The following ANK3 variants were observed in gnomAD, a reference collection of about 807,000 sequenced individuals.
The protein encoded by ANK3 is ankyrin 3, also known as ankyrin-3.
ANK3 carries 57 observed loss-of-function variants against 370.9 expected under a neutral mutation model. The observed-to-expected ratio is 0.15, with a 90% CI of 0.12 to 0.19. The LOEUF (loss-of-function observed/expected upper bound fraction) is 0.19, where lower values mean the gene tolerates loss of function less well. Among genes scored for constraint, ANK3 ranks in the 10% least tolerant of loss-of-function variants. The probability of loss-of-function intolerance (pLI) is 1.00; values close to 1 mark genes in which losing one functional copy is unlikely to be tolerated. For synonymous variants in ANK3, 1,929 were observed against 1,946.3 expected, an observed-to-expected ratio of 0.99 and a Z score of 0.23; for missense variants, 4,439 against 5,302.1, an observed-to-expected ratio of 0.84 and a Z score of 5.06.
At chr10:60,419,640 T>C (rs762937343) in intron 2 of ANK3, among the ~76,000 whole-genome samples, 1 of 152,156 alleles carries the variant, frequency 6.6e-6, no homozygotes, top group Non-Finnish European at 1.5e-5. Context: ...TCTTGGCCTG[T>C]TACATTCAGG....
chr10:60,028,773 A>G lies in ANK3; in HGVS notation c.*1073T>C, dbSNP rs1341772291. On this transcript the variant is annotated 3_prime_UTR_variant, in exon 44 of 44. Coordinates refer to ENST00000280772, the MANE Select transcript of ANK3 (RefSeq NM_020987.5). ...CTGGGGCCTTTTATGAGCACCATCC[A>G]CCTCTAAAGCGGCAAGCATTTACCC... is the stretch of plus-strand genomic sequence containing the variant. 1 of 152,468 alleles carries G rather than the reference A, an allele frequency of 6.6e-6. No individual in the cohort carries two copies. The highest frequency in any genetic ancestry group is 1.5e-5 in the Non-Finnish European group (1 of 68,020). The allele number at this position is 152,468 out of a possible 1,614,324, so 9.4% of individuals were successfully genotyped here.
chr10:60,116,149 G>A (rs758325529), intron 25 of ANK3, among the ~76,000 whole-genome samples: 2 of 152,114 alleles, frequency 1.3e-5, no homozygotes, highest in Non-Finnish European at 2.9e-5. Flanking sequence ...GAAGACTACA[G>A]GCAGGAGACT....
intron 42 of ANK3, chr10:60,051,402 GAGTTTCT>G (rs2077966676): frequency 1.5e-6 from 1 of 678,272 alleles, no homozygotes; most frequent in Admixed American, 6.4e-5. Context: ...CACAAGGAAG[GAGTTTCT>G]ACAACCACAA....
intron 40 of ANK3, 108 bp downstream of exon 40, chr10:60,063,003 T>C: frequency 8.5e-7 from 1 of 1,175,510 alleles, no homozygotes; most frequent in Non-Finnish European, 1.2e-6. Flanking sequence ...AATGAGAAAC[T>C]AAGTCAAGCA....
rs2096888225 is a variant in ANK3, at chr10:60,213,530, T to C, written c.898-20A>G. ...ACCATCCTGTTGAACAAAGGAAACATCACCAATTAAATTTGACAATAAATT... is the reference window on the plus strand; with the variant it reads ...ACCATCCTGTTGAACAAAGGAAACACCACCAATTAAATTTGACAATAAATT... On this transcript the variant is annotated intron_variant, in intron 8 of 43. Coordinates refer to ENST00000280772, the MANE Select transcript of ANK3 (RefSeq NM_020987.5). The C allele has an allele frequency of 6.6e-7, 1 of 1,521,246 alleles. No individual in the cohort carries two copies. Among genetic ancestry groups the C allele is most frequent in the Admixed American group, 1.8e-5 (1 of 55,516 alleles). The allele number at this position is 1,521,246 out of a possible 1,614,324, so 94.2% of individuals were successfully genotyped here. A position where few individuals can be genotyped will look rare whatever the true frequency, so the allele number is the denominator to read the frequency against.
rs1255834113 is a variant in ANK3, at chr10:60,395,606, TTCTC to T, written c.97-115971_97-115968del. Among the ~76,000 whole-genome samples, 349 of 108,018 alleles carry T rather than the reference TTCTC, an allele frequency of 3.2e-3. 2 individuals are homozygous for T. Among genetic ancestry groups the T allele is most frequent in the African/African-American group, 9.2e-3 (226 of 24,544 alleles). 70.9% of individuals were successfully genotyped at this position (108,018 alleles called of 152,430 possible). On this transcript the variant is annotated intron_variant, in intron 2 of 43. Coordinates refer to the ANK3 transcript ENST00000373827. The stretch of plus-strand genomic sequence containing the variant: ...TTTCTTTCTTTCTTTCTTTCTTTCT[TTCTC>T]TCTTTCGTTCTCTCTCTCTCTCTCT...
At chr10:60,109,133 A>C in intron 26 of ANK3, 79 bp from the exon 27 acceptor site, 1 of 1,122,762 alleles carries the variant, frequency 8.9e-7, no homozygotes, top group South Asian at 1.4e-5. Context: ...TAAATGTTTA[A>C]GTTTATTTAA....
intron 21 of ANK3, among the ~76,000 whole-genome samples, chr10:60,170,891 A>G (rs961501434): frequency 6.6e-5 from 10 of 152,144 alleles, no homozygotes; most frequent in African/African-American, 2.4e-4. Context: ...ACCAAATAAG[A>G]TGTGTATTTT....
chr10:60,427,527 TA>T (rs113958727), intron 2 of ANK3, among the ~76,000 whole-genome samples: 104 of 142,342 alleles, frequency 7.3e-4, no homozygotes, highest in African/African-American at 2.1e-3. Flanking sequence ...TTTCGGGCCC[TA>T]AAAAAAAAAA....
At chr10:60,599,773 C>T (rs943863296) in intron 2 of ANK3, among the ~76,000 whole-genome samples, 1 of 152,140 alleles carries the variant, frequency 6.6e-6, no homozygotes, top group African/African-American at 2.4e-5. Context: ...TGTCCCTCTC[C>T]TCTGATTAAA....
chr10:60,485,871 T>C (rs1482398872), intron 2 of ANK3, among the ~76,000 whole-genome samples: 1 of 152,106 alleles, frequency 6.6e-6, no homozygotes, highest in Non-Finnish European at 1.5e-5. Flanking sequence ...ATTGAAAAAC[T>C]GGCTTTTGGG....
intron 2 of ANK3, among the ~76,000 whole-genome samples, chr10:60,495,316 A>G (rs1326929353): frequency 1.3e-5 from 2 of 152,226 alleles, no homozygotes. Context: ...TCCAGGGATG[A>G]GCAGCATTGG....
intron 7 of ANK3, among the ~76,000 whole-genome samples, chr10:60,238,583 C>A (rs1024459202): frequency 9.2e-5 from 14 of 152,088 alleles, no homozygotes; most frequent in African/African-American, 3.4e-4. Context: ...TAGTCAACTG[C>A]TGAGGTAAGG....
chr10:60,241,177 T>A lies in ANK3; in HGVS notation c.799-6391A>T, dbSNP rs556057318. Among the ~76,000 whole-genome samples the A allele has an allele frequency of 2.4e-3, 366 of 149,916 alleles. 1 individual carries two copies. The highest frequency in any genetic ancestry group is 8.7e-3 in the African/African-American group (351 of 40,548). ...TATCCTGCACCTAAAAATATGATGA[T>A]TTTTTTTCCCATTAAGGTAGAATAT... On this transcript the variant is annotated intron_variant, in intron 7 of 43. Coordinates refer to ENST00000280772, the MANE Select transcript of ANK3 (RefSeq NM_020987.5).
Position 60,093,152 on chromosome 10 carries a change from G to A in ANK3, c.3329-4794C>T, listed in dbSNP as rs531090921. On this transcript the variant is annotated intron_variant, in intron 28 of 43. Transcript: ENST00000280772. Reference sequence around the variant, plus strand: ...TCAATGTAACTGAAAGGAGATAAACGTTTTCCATAGAAAGCAAATATATTT... The same window carrying A: ...TCAATGTAACTGAAAGGAGATAAACATTTTCCATAGAAAGCAAATATATTT... Among the ~76,000 whole-genome samples, 4 of 152,322 alleles carry A rather than the reference G, an allele frequency of 2.6e-5. No individual in the cohort carries two copies. The South Asian group carries it at 6.2e-4, about 24-fold the overall frequency.
At chr10:60,730,885 CTCAGAA>C (rs1255337743) in intron 1 of ANK3, among the ~76,000 whole-genome samples, 5 of 152,166 alleles carry the variant, frequency 3.3e-5, no homozygotes, top group Non-Finnish European at 5.9e-5. Flanking sequence ...TGTGTTCTAA[CTCAGAA>C]TCAATCTTGT....
At position 60,074,148 on chromosome 10, in the gene ANK3, G is replaced by A; in HGVS notation, c.6733C>T (p.His2245Tyr). 1 of 1,613,876 alleles carries A rather than the reference G, an allele frequency of 6.2e-7. No individual in the cohort carries two copies. Among genetic ancestry groups the A allele is most frequent in the Non-Finnish European group, 8.5e-7 (1 of 1,179,952 alleles). Residue 2245 changes from histidine (H) to tyrosine (Y), a missense_variant, in exon 37 of 44, where the codon CAC becomes TAC. This residue lies in a region of ANK3 where 1,601 missense variants were observed against 1,731.7 expected (regional missense o/e 0.92). Coordinates refer to ENST00000280772, the MANE Select transcript of ANK3 (RefSeq NM_020987.5). ...SKGMRVKEET[H>Y]ITTTTRMVYH... ...ACCATTCTGGTGGTTGTGGTTATGT[G>A]AGTCTCTTCTTTAACACGCATGCCT...
chr10:60,263,882 C>T lies in ANK3; in HGVS notation c.652G>A (p.Ala218Thr), dbSNP rs1429902701. Residue 218 changes from alanine to threonine, a missense_variant, in exon 6 of 44, where the codon GCC (alanine) becomes ACC (threonine). Physicochemically the swap from Ala to Thr is moderately conservative, Grantham distance 58 (BLOSUM62 0). This residue lies in a region of ANK3 where 136 missense variants were observed against 230.5 expected (regional missense o/e 0.59). Coordinates refer to ENST00000280772, the MANE Select transcript of ANK3 (RefSeq NM_020987.5). ...TTGTCATTCTGCAGCAGCAGGGCGG[C>T]GGCTTTCGTGTCGTCTTTTCGGGCC... ...IAARKDDTKA[A>T]ALLLQNDNNA... is the part of the protein sequence containing the mutation. 7 of 1,613,964 alleles carry T rather than the reference C, an allele frequency of 4.3e-6. No individual in the cohort carries two copies. Among genetic ancestry groups the T allele is most frequent in the South Asian group, 2.2e-5 (2 of 91,080 alleles).
At chr10:60,057,559 T>C (rs888406217) in intron 41 of ANK3, among the ~76,000 whole-genome samples, 4 of 152,202 alleles carry the variant, frequency 2.6e-5, no homozygotes, top group Admixed American at 1.3e-4. Flanking sequence ...CTGTAACATA[T>C]AGCTTTATGA....
Sources: allele counts gnomAD v4.1 joint callset (sites outside exome capture counted in the v4.1 genomes callset), GRCh38; gene constraint gnomAD v4.1.1; regional missense constraint gnomAD v4.1.1; transcripts MANE v1.5; gene names NCBI Gene and HGNC (gene_info 2026-07-23, HGNC 2026-07-21).